Variants in RAD51B observed in about 807,000 individuals in gnomAD.
The protein encoded by RAD51B is DNA repair protein RAD51 homolog 2.
A neutral mutation model predicts 42.2 loss-of-function variants in RAD51B; 38 were observed. That is an observed-to-expected ratio of 0.90 (90% CI 0.70 to 1.18). The LOEUF (loss-of-function observed/expected upper bound fraction) is 1.18, where lower values mean the gene tolerates loss of function less well. Among genes scored for constraint, RAD51B ranks in the 50% most tolerant of loss-of-function variants. The pLI is 0.00. For synonymous variants in RAD51B, 154 were observed against 145.2 expected (o/e 1.06, Z -0.43); for missense variants, 373 against 400.7 (o/e 0.93, Z 0.59).
At chr14:68,237,049 A>G (rs2080273448) in intron 7 of RAD51B, among the ~76,000 whole-genome samples, 1 of 152,194 alleles carries the variant, frequency 6.6e-6, no homozygotes, top group Non-Finnish European at 1.5e-5. Context: ...TTCACCTGCT[A>G]TTTCAATTAT....
intron 7 of RAD51B, among the ~76,000 whole-genome samples, chr14:68,193,825 A>G (rs2079313322): frequency 6.6e-6 from 1 of 152,168 alleles, no homozygotes. Context: ...CTTCTTAACC[A>G]ATGGCTTCCA....
At chr14:68,190,862 A>G (rs1436901505) in intron 7 of RAD51B, among the ~76,000 whole-genome samples, 1 of 152,174 alleles carries the variant, frequency 6.6e-6, no homozygotes, top group East Asian at 1.9e-4. Context: ...CCATTGATTT[A>G]AATAATGTCT....
chr14:68,631,564 T>C (rs1168133635), intron 10 of RAD51B, among the ~76,000 whole-genome samples: 1 of 152,142 alleles, frequency 6.6e-6, no homozygotes, highest in Non-Finnish European at 1.5e-5. Context: ...TGCCACAAGG[T>C]TTTGAATCTC....
chr14:67,987,937 G>A (rs577386610), intron 7 of RAD51B, among the ~76,000 whole-genome samples: 2 of 152,186 alleles, frequency 1.3e-5, no homozygotes, highest in South Asian at 2.1e-4. Context: ...CTGTAATGCC[G>A]AGTGATTTTA....
At chr14:68,223,072 T>C (rs907264052) in intron 7 of RAD51B, among the ~76,000 whole-genome samples, 14 of 152,202 alleles carry the variant, frequency 9.2e-5, no homozygotes, top group African/African-American at 3.1e-4. Context: ...GAACTGTTAG[T>C]ATTTCTTTCC....
intron 4 of RAD51B, among the ~76,000 whole-genome samples, chr14:67,853,850 A>G (rs766863129): frequency 2.0e-5 from 3 of 152,230 alleles, no homozygotes; most frequent in Admixed American, 6.5e-5. Context: ...GTATGCTTAC[A>G]TATTCAGTTA....
At chr14:68,271,164 T>G (rs1484745452) in intron 7 of RAD51B, among the ~76,000 whole-genome samples, 2 of 152,238 alleles carry the variant, frequency 1.3e-5, no homozygotes, top group African/African-American at 4.8e-5. Context: ...TTGTCATTTA[T>G]TACGTTTATT....
At chr14:68,210,940 A>G (rs2079692706) in intron 7 of RAD51B, among the ~76,000 whole-genome samples, 1 of 152,158 alleles carries the variant, frequency 6.6e-6, no homozygotes, top group Non-Finnish European at 1.5e-5. Flanking sequence ...TCTATTTAAA[A>G]TGTTCATTTC....
At chr14:68,443,898 T>C (rs2085360158) in intron 9 of RAD51B, among the ~76,000 whole-genome samples, 1 of 152,032 alleles carries the variant, frequency 6.6e-6, no homozygotes, top group South Asian at 2.1e-4. Flanking sequence ...TAGTGAGGGA[T>C]GAATTTTGAA....
At chr14:68,644,557 G>A (rs1892527648) in intron 10 of RAD51B, among the ~76,000 whole-genome samples, 1 of 152,184 alleles carries the variant, frequency 6.6e-6, no homozygotes, top group South Asian at 2.1e-4. Flanking sequence ...TCCTGCTGTT[G>A]CTTTTTGAAG....
chr14:68,466,984 A>G (rs1237294215), intron 9 of RAD51B, among the ~76,000 whole-genome samples: 1 of 152,162 alleles, frequency 6.6e-6, no homozygotes, highest in Non-Finnish European at 1.5e-5. Context: ...ATAGGCCAAG[A>G]TATTATATAT....
intron 7 of RAD51B, chr14:68,113,766 T>C (rs980699400): frequency 6.6e-6 from 1 of 152,104 alleles, no homozygotes; most frequent in Admixed American, 6.6e-5. Context: ...AGTCACTGCA[T>C]TGATAGGCTT....
At chr14:67,952,445 A>G (rs1246341831) in intron 7 of RAD51B, among the ~76,000 whole-genome samples, 1 of 152,226 alleles carries the variant, frequency 6.6e-6, no homozygotes, top group Non-Finnish European at 1.5e-5. Flanking sequence ...GACAATGTAC[A>G]TGAACAGAGC....
At chr14:68,569,175 T>C (rs1889569613) in intron 10 of RAD51B, among the ~76,000 whole-genome samples, 1 of 152,192 alleles carries the variant, frequency 6.6e-6, no homozygotes, top group Admixed American at 6.5e-5. Context: ...CCCGGGAAAG[T>C]CCCTGCAGGG....
chr14:68,484,557 C>A (rs1883479835), intron 10 of RAD51B, among the ~76,000 whole-genome samples: 1 of 152,042 alleles, frequency 6.6e-6, no homozygotes, highest in Non-Finnish European at 1.5e-5. Flanking sequence ...CGGAGTTTCA[C>A]CGTGTTAGCC....
intron 11 of RAD51B, among the ~76,000 whole-genome samples, chr14:68,656,877 G>A (rs1336315982): frequency 6.6e-6 from 1 of 152,200 alleles, no homozygotes; most frequent in African/African-American, 2.4e-5. Context: ...GCGGGATCAA[G>A]AACTACCACC....
chr14:68,415,198 T>TC (rs1188917969), intron 9 of RAD51B, among the ~76,000 whole-genome samples: 1 of 151,802 alleles, frequency 6.6e-6, no homozygotes, highest in Non-Finnish European at 1.5e-5. Context: ...TTTGTAAAGC[T>TC]CCCCCATGTG....
chr14:68,185,995 G>C (rs1175264650), intron 7 of RAD51B, among the ~76,000 whole-genome samples: 1 of 152,130 alleles, frequency 6.6e-6, no homozygotes, highest in Admixed American at 6.5e-5. Flanking sequence ...AAACAGCATG[G>C]TACTGGTACA....
intron 10 of RAD51B, among the ~76,000 whole-genome samples, chr14:68,603,413 T>C (rs1891305381): frequency 6.6e-6 from 1 of 152,146 alleles, no homozygotes; most frequent in African/African-American, 2.4e-5. Context: ...ATGGGTGGCT[T>C]CTATGGGATT....
Sources: allele counts gnomAD v4.1 joint callset (sites outside exome capture counted in the v4.1 genomes callset), GRCh38; gene constraint gnomAD v4.1.1; transcripts MANE v1.5; gene names NCBI Gene and HGNC (gene_info 2026-07-23, HGNC 2026-07-21).